Variants in C11orf71 observed in about 807,000 individuals in gnomAD.
C11orf71 encodes the protein chromosome 11 open reading frame 71, also known as uncharacterized protein C11orf71.
For synonymous variants in C11orf71, 72 were observed against 73.4 expected (o/e 0.98, Z 0.09); for missense variants, 179 against 167.6 (o/e 1.07, Z -0.38).
chr11:114,394,228 C>CTTTTCTTTCTCTTCTTTTCTTTTCT, downstream of C11orf71, among the ~76,000 whole-genome samples: 1 of 48,704 alleles, frequency 2.1e-5, no homozygotes, highest in Non-Finnish European at 3.6e-5. Flanking sequence ...CTTTTCTTTT[C>CTTTTCTTTCTCTTCTTTTCTTTTCT]TTTCTTTTCT....
exon 2 of C11orf71, chr11:114,391,629 G>A: frequency 6.5e-7 from 1 of 1,535,748 alleles, no homozygotes. Context: ...TAAATCAGGG[G>A]TTGCAGACTC....
At chr11:114,393,246 A>T (rs530861575) in intron 1 of C11orf71, among the ~76,000 whole-genome samples, 11 of 152,358 alleles carry the variant, frequency 7.2e-5, no homozygotes, top group Admixed American at 5.9e-4. Flanking sequence ...AGTTAAAACA[A>T]GAAGCAAGAT....
rs1946148632 is a variant in C11orf71, at chr11:114,398,772, C to T, written c.*1188G>A. Reference sequence around the variant, plus strand: ...GCTATCTTGTTTACTCAACATTCTTCTTAACACGTAGTTATAACAATTCAA... The same window carrying T: ...GCTATCTTGTTTACTCAACATTCTTTTTAACACGTAGTTATAACAATTCAA... On this transcript the variant is annotated 3_prime_UTR_variant, in exon 1 of 1. Coordinates refer to ENST00000623205, the MANE Select transcript of C11orf71 (RefSeq NM_001271562.2). 6.6e-6 allele frequency: 1 copy of T among 152,174 alleles called. No individual in the cohort carries two copies. The highest frequency in any genetic ancestry group is 2.4e-5 in the African/African-American group (1 of 41,436). The allele number at this position is 152,174 out of a possible 1,614,324, so 9.4% of individuals were successfully genotyped here.
chr11:114,400,115 G>T lies in C11orf71; in HGVS notation c.217C>A (p.Arg73=), dbSNP rs1274280179. The T allele has an allele frequency of 6.2e-7, 1 of 1,612,634 alleles. No homozygotes were observed. The highest frequency in any genetic ancestry group is 1.7e-5 in the Admixed American group (1 of 60,014). The change falls in exon 1 of 1, where the codon CGG becomes AGG. Residue 73 remains arginine, a synonymous_variant. Coordinates refer to ENST00000623205, the MANE Select transcript of C11orf71 (RefSeq NM_001271562.2). ...AESRRVDGGG[R]SPREPDGRGR... ...CGGCCATCTGGTTCCCTTGGGCTCC[G>T]GCCGCCACCATCCACTCGACGGCTC...
At chr11:114,394,282 C>CTTTTCTTTTCTTTTA (rs1946111024), downstream of C11orf71, among the ~76,000 whole-genome samples, 1 of 68,762 alleles carries the variant, frequency 1.5e-5, no homozygotes, top group Non-Finnish European at 2.6e-5. Flanking sequence ...CTTTTCTTTT[C>CTTTTCTTTTCTTTTA]TTTTCTCTTA....
chr11:114,398,895 G>C lies in C11orf71; in HGVS notation c.*1065C>G, dbSNP rs1031375480. ...CTGCTGGGAAAAAGCTAGTCTACCT[G>C]CTTATATAAAGAGCTGGCACTTACA... On this transcript the variant is annotated 3_prime_UTR_variant, in exon 1 of 1. Transcript: ENST00000623205. The C allele has an allele frequency of 6.6e-6, 1 of 152,084 alleles. No individual in the cohort carries two copies. The highest frequency in any genetic ancestry group is 1.5e-5 in the Non-Finnish European group (1 of 68,012). 9.4% of individuals were successfully genotyped at this position (152,084 alleles called of 1,614,324 possible). A position where few individuals can be genotyped will look rare whatever the true frequency, so the allele number is the denominator to read the frequency against.
chr11:114,394,247 C>CTTTTCTTTTCTTTTCTTT, downstream of C11orf71, among the ~76,000 whole-genome samples: 1 of 60,558 alleles, frequency 1.7e-5, no homozygotes, highest in South Asian at 5.9e-4. Context: ...CTTTTCTTTT[C>CTTTTCTTTTCTTTTCTTT]TTTTCTTTTC....
intron 1 of C11orf71, among the ~76,000 whole-genome samples, chr11:114,392,316 T>A (rs1014110424): frequency 6.6e-5 from 10 of 151,792 alleles, no homozygotes; most frequent in Admixed American, 6.6e-4. Flanking sequence ...GGCGAGTGGA[T>A]CACTGGAGGT....
chr11:114,396,031 C>T (rs745895465), downstream of C11orf71, among the ~76,000 whole-genome samples: 13 of 152,188 alleles, frequency 8.5e-5, no homozygotes, highest in Non-Finnish European at 1.9e-4. Flanking sequence ...CAGCCTGGTA[C>T]TACAGGCCCG....
downstream of C11orf71, among the ~76,000 whole-genome samples, chr11:114,394,227 T>TCTTTTCTTTTCTTTC (rs1565256490): frequency 4.7e-5 from 2 of 42,328 alleles, no homozygotes; most frequent in Non-Finnish European, 8.0e-5. Flanking sequence ...TCTTTTCTTT[T>TCTTTTCTTTTCTTTC]CTTTCTTTTC....
At chr11:114,394,207 T>TTTCCTTTCCTTTC (rs1946099296), downstream of C11orf71, among the ~76,000 whole-genome samples, 1 of 42,410 alleles carries the variant, frequency 2.4e-5, no homozygotes, top group African/African-American at 1.3e-4. Flanking sequence ...TCTTTTCTTT[T>TTTCCTTTCCTTTC]CTTTTCTTTT....
chr11:114,397,401 C>T (rs757576276), downstream of C11orf71, among the ~76,000 whole-genome samples: 6 of 152,182 alleles, frequency 3.9e-5, no homozygotes, highest in Non-Finnish European at 8.8e-5. Context: ...TGTGCTTCTA[C>T]AATACAGTCT....
Position 114,399,875 on chromosome 11 carries a change from A to C in C11orf71, c.*85T>G. On this transcript the variant is annotated 3_prime_UTR_variant, in exon 1 of 1. Transcript: ENST00000623205. ...TGAAAATACATCCATCTAAAAATAA[A>C]ACAACACGATTGCTGCTACACCAAG... The C allele has an allele frequency of 6.9e-7, 1 of 1,459,852 alleles. No individual in the cohort carries two copies. The highest frequency in any genetic ancestry group is 1.8e-4 in the Middle Eastern group (1 of 5,502). 90.4% of individuals were successfully genotyped at this position (1,459,852 alleles called of 1,614,324 possible). A position where few individuals can be genotyped will look rare whatever the true frequency, so the allele number is the denominator to read the frequency against.
downstream of C11orf71, among the ~76,000 whole-genome samples, chr11:114,394,287 CTCTTAT>C (rs1946111736): frequency 5.6e-5 from 4 of 71,356 alleles, 1 homozygote; most frequent in African/African-American, 2.9e-4. Flanking sequence ...CTTTTCTTTT[CTCTTAT>C]TTTCTTTTCT....
chr11:114,393,220 C>A (rs2135337325), intron 1 of C11orf71, among the ~76,000 whole-genome samples: 1 of 152,310 alleles, frequency 6.6e-6, no homozygotes, highest in South Asian at 2.1e-4. Flanking sequence ...TGCTTTATGC[C>A]TTCCTATCTG....
downstream of C11orf71, chr11:114,398,410 T>A (rs1459747320): frequency 7.1e-6 from 1 of 140,654 alleles, no homozygotes; most frequent in Non-Finnish European, 1.6e-5. Context: ...TTACTAGCTA[T>A]ATGACCTTGG....
At chr11:114,391,544 G>A in exon 2 of C11orf71, 3 of 1,307,998 alleles carry the variant, frequency 2.3e-6, no homozygotes, top group South Asian at 3.2e-5. Context: ...TAATATAAAT[G>A]TAATTATATC....
At chr11:114,397,420 C>T (rs576003465), downstream of C11orf71, among the ~76,000 whole-genome samples, 4 of 152,234 alleles carry the variant, frequency 2.6e-5, no homozygotes, top group East Asian at 3.9e-4. Context: ...CTTTGTGACT[C>T]GAGGGTCACA....
At position 114,399,761 on chromosome 11, in the gene C11orf71, C is replaced by T. The variant is rs371329809; in HGVS notation, c.*199G>A. The T allele has an allele frequency of 1.5e-4, 121 of 808,966 alleles. 3 individuals are homozygous for T. The South Asian group carries it at 2.3e-3, about 15-fold the overall frequency. The allele number at this position is 808,966 out of a possible 1,614,324, so 50.1% of individuals were successfully genotyped here. On this transcript the variant is annotated 3_prime_UTR_variant, in exon 1 of 1. Transcript: ENST00000623205. ...CCTTCCACACCTTTCCTGATCCAAT[C>T]GTTCTGGCTGCATAAAACCACCTAA...
Sources: gnomAD v4.1 joint callset for allele counts (sites outside exome capture counted in the v4.1 genomes callset) on GRCh38, gnomAD v4.1.1 for gene constraint, MANE v1.5 for transcripts, NCBI Gene and HGNC (gene_info 2026-07-23, HGNC 2026-07-21) for gene names.